ADAMTS9: variants seen among roughly 807,000 people sequenced by gnomAD.
ADAMTS9 encodes the protein A disintegrin and metalloproteinase with thrombospondin motifs 9.
ADAMTS9 carries 107 observed loss-of-function variants against 257.1 expected under a neutral mutation model. The ratio of observed to expected loss-of-function variants is 0.42; its 90% CI spans 0.36 to 0.49. The LOEUF is 0.49. Among genes scored for constraint, ADAMTS9 ranks in the 20% least tolerant of loss-of-function variants. The pLI is 0.03. For missense variants in ADAMTS9, 2,353 were observed against 2,469.1 expected, an observed-to-expected ratio of 0.95 and a Z score of 1.00; for synonymous variants, 982 against 880.9, an observed-to-expected ratio of 1.11 and a Z score of -2.03.
At chr3:64,546,242 T>TA in intron 32 of ADAMTS9, among the ~76,000 whole-genome samples, 1 of 147,470 alleles carries the variant, frequency 6.8e-6, no homozygotes, top group African/African-American at 2.5e-5. Context: ...GCATTTAAGA[T>TA]TTTTTTTTTT....
chr3:64,528,155 G>A (rs12495306), intron 38 of ADAMTS9, among the ~76,000 whole-genome samples: 37,907 of 151,890 alleles, frequency 0.25, 6,426 homozygotes, highest in East Asian at 0.59. Flanking sequence ...AAAAAGCCCC[G>A]TAAGCGCCTC....
rs375921755 is a variant in ADAMTS9, at chr3:64,641,949, G to A, written c.1755C>T (p.Pro585=). The A allele has an allele frequency of 7.3e-5, 118 of 1,613,926 alleles. No homozygotes were observed. In the Middle Eastern group the frequency reaches 3.9e-3, roughly 54 times the overall value. Residue 585 remains proline (P), a synonymous_variant, in exon 12 of 40, where the codon CCC becomes CCT. Transcript: ENST00000498707. ...GFCVPKEMDV[P]VTDGSWGSWS... ...AACTTCCCCAGGATCCATCTGTCAC[G>A]GGGACATCCATTTCTTTGGGAACAC...
At chr3:64,625,284 C>G (rs555540975) in intron 16 of ADAMTS9, among the ~76,000 whole-genome samples, 22 of 152,200 alleles carry the variant, frequency 1.4e-4, no homozygotes, top group Non-Finnish European at 2.9e-4. Flanking sequence ...GACAAGATGT[C>G]TTAGGTATTA....
intron 28 of ADAMTS9, among the ~76,000 whole-genome samples, chr3:64,572,649 G>A (rs2083720329): frequency 6.6e-6 from 1 of 152,156 alleles, no homozygotes; most frequent in Non-Finnish European, 1.5e-5. Flanking sequence ...AAACAAGATG[G>A]ATTTCTACAC....
Position 64,638,350 on chromosome 3 carries a change from T to C in ADAMTS9, c.1856+3498A>G, listed in dbSNP as rs114148822. ...CCCAAAAGCCTGAAAATACATCTTCTAGTTCCAAAGCTCAGTCTGGTTTTG... is the reference window on the plus strand; with the variant it reads ...CCCAAAAGCCTGAAAATACATCTTCCAGTTCCAAAGCTCAGTCTGGTTTTG... On this transcript the variant is annotated intron_variant, in intron 12 of 39. Transcript: ENST00000498707. 3.9e-3 allele frequency among the ~76,000 whole-genome samples: 597 copies of C among 152,300 alleles called. 4 individuals are homozygous for C. Among genetic ancestry groups the C allele is most frequent in the African/African-American group, 0.014 (562 of 41,564 alleles).
At chr3:64,655,158 C>T (rs1015299485) in intron 6 of ADAMTS9, among the ~76,000 whole-genome samples, 3 of 152,238 alleles carry the variant, frequency 2.0e-5, no homozygotes, top group Non-Finnish European at 2.9e-5. Flanking sequence ...GCTGGCAACA[C>T]TGAACTCATA....
intron 3 of ADAMTS9, among the ~76,000 whole-genome samples, chr3:64,675,906 C>T (rs1469197064): frequency 6.6e-6 from 1 of 152,118 alleles, no homozygotes; most frequent in Non-Finnish European, 1.5e-5. Context: ...CACATAAGAG[C>T]CTAACAGATG....
Position 64,654,397 on chromosome 3 carries a change from A to G in ADAMTS9, c.1272T>C (p.Ser424=), listed in dbSNP as rs745947966. The change falls in exon 8 of 40, where the codon AGT becomes AGC. Residue 424 remains serine, a synonymous_variant. Coordinates refer to ENST00000498707, the MANE Select transcript of ADAMTS9 (RefSeq NM_182920.2). ...CGATCGTAAAAGCTGTACTCAATCC[A>G]CTATCTTCACTAATAGAACAGCTTC... The part of the protein sequence containing the change: ...PYRSCSISED[S]GLSTAFTIAH... The G allele has an allele frequency of 6.2e-7, 1 of 1,614,182 alleles. No homozygotes were observed. Among genetic ancestry groups the G allele is most frequent in the Non-Finnish European group, 8.5e-7 (1 of 1,180,024 alleles).
chr3:64,615,874 T>C lies in ADAMTS9; in HGVS notation c.3024+86A>G, dbSNP rs4589926. On this transcript the variant is annotated intron_variant, in intron 20 of 39. Transcript: ENST00000498707. ...TCACGGTCATCTCTTCCGCACAGCC[T>C]AAATGGGGCTTACACACCTGCAAGG... 660,861 of 1,509,980 alleles carry C rather than the reference T, an allele frequency of 0.44. 146,055 individuals carry two copies. The highest frequency in any genetic ancestry group is 0.56 in the African/African-American group (40,708 of 72,764). The allele number at this position is 1,509,980 out of a possible 1,614,324, so 93.5% of individuals were successfully genotyped here. A position where few individuals can be genotyped will look rare whatever the true frequency, so the allele number is the denominator to read the frequency against.
At chr3:64,552,825 G>C (rs1340153319) in intron 30 of ADAMTS9, among the ~76,000 whole-genome samples, 1 of 152,100 alleles carries the variant, frequency 6.6e-6, no homozygotes, top group Non-Finnish European at 1.5e-5. Flanking sequence ...CCAAAGTTCT[G>C]GGATTACAGG....
At chr3:64,672,397 T>C (rs1701514026) in intron 3 of ADAMTS9, among the ~76,000 whole-genome samples, 2 of 152,306 alleles carry the variant, frequency 1.3e-5, no homozygotes, top group South Asian at 4.1e-4. Flanking sequence ...TAAAAAGTTT[T>C]AGGGGCCAAG....
Position 64,649,749 on chromosome 3 carries a change from T to A in ADAMTS9, c.1493A>T (p.Glu498Val). Residue 498 changes from glutamate to valine, a missense_variant, in exon 10 of 40, where the codon GAA becomes GTA. Glu to Val is a moderately radical substitution (Grantham distance 121). This residue lies in a region of ADAMTS9 where 360 missense variants were observed against 458.1 expected (regional missense o/e 0.79). Coordinates refer to ENST00000498707, the MANE Select transcript of ADAMTS9 (RefSeq NM_182920.2). ...DTGYGECLLN[E>V]PESRPYPLPV... ...CAAAGGGTAGGGTCTGGATTCAGGT[T>A]CGTTAAGCAAACACTCGCCATAACC... The A allele has an allele frequency of 6.2e-7, 1 of 1,613,970 alleles. No homozygotes were observed. Among genetic ancestry groups the A allele is most frequent in the African/African-American group, 1.3e-5 (1 of 75,018 alleles).
At chr3:64,632,409 C>T (rs1700388541) in intron 14 of ADAMTS9, among the ~76,000 whole-genome samples, 2 of 152,196 alleles carry the variant, frequency 1.3e-5, no homozygotes, top group African/African-American at 4.8e-5. Flanking sequence ...CCTGTGTTGA[C>T]ATTTTTTCCC....
chr3:64,613,924 G>A (rs1319929070), intron 21 of ADAMTS9, among the ~76,000 whole-genome samples: 1 of 152,086 alleles, frequency 6.6e-6, no homozygotes, highest in African/African-American at 2.4e-5. Context: ...AAAGGGTTGT[G>A]AAAACTAAAT....
In ADAMTS9 at chr3:64,561,537, C is replaced by T. The variant is rs767826229; in HGVS notation, c.4698+41G>A. On this transcript the variant is annotated intron_variant, in intron 30 of 39. Transcript: ENST00000498707. ...ATGTGAGGATAGCAAGGGGCGCACA[C>T]GTGAAATGCCTGGCAGGTACCCCTT... 12 of 1,588,030 alleles carry T rather than the reference C, an allele frequency of 7.6e-6. No homozygotes were observed. Among genetic ancestry groups the T allele is most frequent in the South Asian group, 7.0e-5 (6 of 85,466 alleles).
At chr3:64,543,035 G>A (rs2083147439) in intron 32 of ADAMTS9, among the ~76,000 whole-genome samples, 1 of 152,098 alleles carries the variant, frequency 6.6e-6, no homozygotes, top group South Asian at 2.1e-4. Context: ...ATAAATTCCT[G>A]GACACATACA....
intron 3 of ADAMTS9, among the ~76,000 whole-genome samples, chr3:64,661,990 C>T (rs1413745346): frequency 3.3e-5 from 5 of 151,542 alleles, no homozygotes; most frequent in African/African-American, 1.2e-4. Flanking sequence ...CTTTTCTTTC[C>T]GTTGCCTTAA....
Position 64,648,728 on chromosome 3 carries a change from C to G in ADAMTS9, c.1606-684G>C, listed in dbSNP as rs538737985. ...GATCATACTTCATAAAATTGTTTAT[C>G]TTGTTATCTTAACTTAAAATTATAG... On this transcript the variant is annotated intron_variant, in intron 10 of 39. Coordinates refer to ENST00000498707, the MANE Select transcript of ADAMTS9 (RefSeq NM_182920.2). Among the ~76,000 whole-genome samples, 44 of 152,172 alleles carry G rather than the reference C, an allele frequency of 2.9e-4. No homozygotes were observed. In the South Asian group the frequency reaches 9.1e-3, roughly 32 times the overall value.
chr3:64,576,484 C>T (rs181024511), intron 28 of ADAMTS9, among the ~76,000 whole-genome samples: 148 of 152,240 alleles, frequency 9.7e-4, no homozygotes, highest in Middle Eastern at 3.4e-3. Flanking sequence ...ACAGTGGCAG[C>T]GACAACCAAA....
Sources: allele counts gnomAD v4.1 joint callset (sites outside exome capture counted in the v4.1 genomes callset), GRCh38; gene constraint gnomAD v4.1.1; regional missense constraint gnomAD v4.1.1; transcripts MANE v1.5; gene names NCBI Gene and HGNC (gene_info 2026-07-23, HGNC 2026-07-21).